Variants in AADACL2 observed in about 807,000 individuals in gnomAD.
The protein encoded by AADACL2 is arylacetamide deacetylase like 2.
Under a neutral mutation model 22.3 loss-of-function variants are expected in AADACL2, and 23 were observed. The ratio of observed to expected loss-of-function variants is 1.03; its 90% CI spans 0.74 to 1.46. AADACL2 has a LOEUF of 1.46. Among genes scored for constraint, AADACL2 ranks in the 40% most tolerant of loss-of-function variants. The probability of loss-of-function intolerance (pLI) is 0.00; values close to 1 mark genes in which losing one functional copy is unlikely to be tolerated. For synonymous variants in AADACL2, 177 were observed against 166.2 expected (o/e 1.07, Z -0.50); for missense variants, 472 against 482.9 (o/e 0.98, Z 0.21).
chr3:151,746,826 G>T (rs1238909189), intron 4 of AADACL2, among the ~76,000 whole-genome samples: 1 of 151,622 alleles, frequency 6.6e-6, no homozygotes, highest in Non-Finnish European at 1.5e-5. Flanking sequence ...TTTATATGTT[G>T]CTGCTTTCCA....
At chr3:151,749,624 A>AGGCACCC (rs1212378030) in intron 4 of AADACL2, among the ~76,000 whole-genome samples, 1 of 152,074 alleles carries the variant, frequency 6.6e-6, no homozygotes, top group Non-Finnish European at 1.5e-5. Context: ...CTGGGACTAC[A>AGGCACCC]GGCACCCGCC....
intron 2 of AADACL2, among the ~76,000 whole-genome samples, chr3:151,743,675 C>T (rs1269492537): frequency 1.3e-5 from 2 of 152,074 alleles, no homozygotes; most frequent in Non-Finnish European, 2.9e-5. Flanking sequence ...CTTTTTCCTC[C>T]GACTTCTGAA....
At chr3:151,744,865 C>A (rs1052364852) in intron 3 of AADACL2, among the ~76,000 whole-genome samples, 22 of 152,030 alleles carry the variant, frequency 1.4e-4, no homozygotes, top group African/African-American at 5.1e-4. Flanking sequence ...GATGTATTTT[C>A]CTGTCTTACT....
At chr3:151,749,632 G>A (rs143737815) in intron 4 of AADACL2, among the ~76,000 whole-genome samples, 83 of 151,972 alleles carry the variant, frequency 5.5e-4, no homozygotes, top group African/African-American at 2.0e-3. Context: ...ACAGGCACCC[G>A]CCATCATGCC....
Position 151,759,078 on chromosome 3 carries a change from A to T in AADACL2, c.*1484A>T, listed in dbSNP as rs1037291002. 2 of 152,160 alleles carry T rather than the reference A, an allele frequency of 1.3e-5. No homozygotes were observed. Among genetic ancestry groups the T allele is most frequent in the Non-Finnish European group, 2.9e-5 (2 of 67,988 alleles). 9.4% of individuals were successfully genotyped at this position (152,160 alleles called of 1,614,324 possible). A position where few individuals can be genotyped will look rare whatever the true frequency, so the allele number is the denominator to read the frequency against. ...TAAAAACGCAAACATGACTATGACA[A>T]ATGAAAATAAGTATCATGGGAATCT... On this transcript the variant is annotated 3_prime_UTR_variant, in exon 5 of 5. Coordinates refer to ENST00000356517, the MANE Select transcript of AADACL2 (RefSeq NM_207365.4).
chr3:151,748,697 C>A (rs1387183438), intron 4 of AADACL2, among the ~76,000 whole-genome samples: 1 of 152,210 alleles, frequency 6.6e-6, no homozygotes, highest in Non-Finnish European at 1.5e-5. Flanking sequence ...TTTGCACATG[C>A]AGATACCCGG....
At chr3:151,747,102 T>C (rs1045959536) in intron 4 of AADACL2, among the ~76,000 whole-genome samples, 25 of 152,274 alleles carry the variant, frequency 1.6e-4, no homozygotes, top group African/African-American at 5.5e-4. Context: ...TGAGGTTGTA[T>C]TGAGGTACAG....
chr3:151,737,221 A>G (rs905882018), intron 1 of AADACL2, among the ~76,000 whole-genome samples: 5 of 152,172 alleles, frequency 3.3e-5, no homozygotes, highest in South Asian at 2.1e-4. Flanking sequence ...TTATTTACCC[A>G]GTAGTCATTC....
intron 1 of AADACL2, among the ~76,000 whole-genome samples, chr3:151,738,823 G>C (rs554802242): frequency 6.6e-6 from 1 of 152,136 alleles, no homozygotes; most frequent in Non-Finnish European, 1.5e-5. Flanking sequence ...CGAAGTTCTT[G>C]TGCTGTGTTT....
intron 4 of AADACL2, 79 bp downstream of exon 4, chr3:151,745,759 C>A: frequency 7.1e-7 from 1 of 1,412,910 alleles, no homozygotes; most frequent in Non-Finnish European, 9.5e-7. Flanking sequence ...GTTCTTCCCC[C>A]ACCATTTGTT....
chr3:151,747,318 A>C (rs1012173681), intron 4 of AADACL2, among the ~76,000 whole-genome samples: 1 of 152,066 alleles, frequency 6.6e-6, no homozygotes, highest in African/African-American at 2.4e-5. Context: ...CACCGCACTT[A>C]ATATTAGATC....
At position 151,756,979 on chromosome 3, in the gene AADACL2, C is replaced by T; in HGVS notation, c.604-13C>T. Reference sequence around the variant, plus strand: ...AAATGTTTGCATTACAGAATATTACCATATATTTTCAGGTGCAGAATGATG... The same window carrying T: ...AAATGTTTGCATTACAGAATATTACTATATATTTTCAGGTGCAGAATGATG... On this transcript the variant is annotated splice_polypyrimidine_tract_variant and intron_variant, in intron 4 of 4. Transcript: ENST00000356517. 1 of 1,568,172 alleles carries T rather than the reference C, an allele frequency of 6.4e-7. No homozygotes were observed. Among genetic ancestry groups the T allele is most frequent in the African/African-American group, 1.4e-5 (1 of 72,718 alleles).
At chr3:151,737,970 T>C (rs2088547933) in intron 1 of AADACL2, among the ~76,000 whole-genome samples, 1 of 152,106 alleles carries the variant, frequency 6.6e-6, no homozygotes, top group Non-Finnish European at 1.5e-5. Context: ...GTAAACATTG[T>C]TATGTATGAA....
intron 4 of AADACL2, among the ~76,000 whole-genome samples, chr3:151,746,863 T>C (rs796780888): frequency 2.0e-4 from 30 of 152,030 alleles, no homozygotes; most frequent in African/African-American, 7.0e-4. Context: ...AAATGTTTTG[T>C]ATTTTTGAGA....
chr3:151,744,191 G>C (rs1425922303), intron 3 of AADACL2, 29 bp downstream of exon 3: 1 of 1,611,250 alleles, frequency 6.2e-7, no homozygotes, highest in East Asian at 2.2e-5. Context: ...TGGCTACTAT[G>C]ATTTTTGCCT....
chr3:151,742,397 G>A (rs1204309737), intron 2 of AADACL2, among the ~76,000 whole-genome samples: 1 of 152,130 alleles, frequency 6.6e-6, no homozygotes, highest in Non-Finnish European at 1.5e-5. Context: ...AATATTCTAT[G>A]AGTACAGACA....
intron 2 of AADACL2, among the ~76,000 whole-genome samples, chr3:151,742,198 A>G (rs9754574): frequency 0.32 from 48,793 of 151,980 alleles, 8,161 homozygotes; most frequent in East Asian, 0.55. Flanking sequence ...CAAGAAATAT[A>G]GGAAAATGTT....
At chr3:151,739,848 G>A (rs867111508) in intron 1 of AADACL2, among the ~76,000 whole-genome samples, 1 of 152,114 alleles carries the variant, frequency 6.6e-6, no homozygotes, top group African/African-American at 2.4e-5. Flanking sequence ...AGTAATGATA[G>A]ACCCCTCTCC....
rs1388521084 is a variant in AADACL2 at position 151,759,230 on chromosome 3, A to C, written c.*1636A>C. 1.3e-5 allele frequency: 2 copies of C among 152,122 alleles called. No individual in the cohort carries two copies. The highest frequency in any genetic ancestry group is 4.8e-5 in the African/African-American group (2 of 41,436). The allele number at this position is 152,122 out of a possible 1,614,324, so 9.4% of individuals were successfully genotyped here. A position where few individuals can be genotyped will look rare whatever the true frequency, so the allele number is the denominator to read the frequency against. Reference sequence around the variant, plus strand: ...TCCTGTAAACTTGATATATTTTAAAATTTGTAATTTGTTTTTCATGATACT... The same window carrying C: ...TCCTGTAAACTTGATATATTTTAAACTTTGTAATTTGTTTTTCATGATACT... On this transcript the variant is annotated 3_prime_UTR_variant, in exon 5 of 5. Transcript: ENST00000356517.
Sources: allele counts gnomAD v4.1 joint callset (sites outside exome capture counted in the v4.1 genomes callset), GRCh38; gene constraint gnomAD v4.1.1; transcripts MANE v1.5; gene names NCBI Gene and HGNC (gene_info 2026-07-23, HGNC 2026-07-21).